Variants in HFM1 observed in about 807,000 individuals in gnomAD.
The protein encoded by HFM1 is probable ATP-dependent DNA helicase HFM1.
In HFM1, 169 loss-of-function variants were observed where a neutral mutation model predicts 192.1. The observed-to-expected ratio is 0.88, with a 90% CI of 0.78 to 1.00. The LOEUF is 1.00. HFM1 is among the 50% of genes least tolerant of loss of function. The pLI is 0.00. For missense variants in HFM1, 1,661 were observed against 1,668.0 expected (o/e 1.00, Z 0.07); for synonymous variants, 525 against 537.8 (o/e 0.98, Z 0.33).
chr1:91,306,592 A>G (rs549244943), intron 30 of HFM1, among the ~76,000 whole-genome samples: 1 of 152,296 alleles, frequency 6.6e-6, no homozygotes, highest in South Asian at 2.1e-4. Flanking sequence ...CAGCTTGTGA[A>G]TATTTCATTA....
intron 35 of HFM1, among the ~76,000 whole-genome samples, chr1:91,267,475 G>C (rs923233989): frequency 2.0e-5 from 3 of 152,060 alleles, no homozygotes; most frequent in Admixed American, 6.6e-5. Context: ...ATTTGAATTT[G>C]ACTTTTACAA....
upstream of HFM1, among the ~76,000 whole-genome samples, chr1:91,406,683 A>C (rs924517409): frequency 1.3e-5 from 2 of 152,234 alleles, no homozygotes; most frequent in African/African-American, 4.8e-5. Context: ...CAAATTGAAT[A>C]ACATAACTAA....
chr1:91,367,102 C>G (rs1469716229), intron 13 of HFM1, among the ~76,000 whole-genome samples: 1 of 152,180 alleles, frequency 6.6e-6, no homozygotes, highest in African/African-American at 2.4e-5. Context: ...GTAAACAAAG[C>G]AGCCAGGAAG....
intron 30 of HFM1, among the ~76,000 whole-genome samples, chr1:91,283,799 A>C (rs920500515): frequency 6.6e-6 from 1 of 152,142 alleles, no homozygotes. Flanking sequence ...TCACTTCTTT[A>C]AAAAAAGAAG....
In HFM1 at chr1:91,362,209, G is replaced by T. The variant is rs1009674709; in HGVS notation, c.1686-8910C>A. Among the ~76,000 whole-genome samples the T allele has an allele frequency of 2.0e-5, 3 of 152,130 alleles. No homozygotes were observed. The South Asian group carries it at 6.2e-4, about 31-fold the overall frequency. On this transcript the variant is annotated intron_variant, in intron 13 of 38. Transcript: ENST00000370425. ...TTCTGGCAAGGGCAATCAGGAAAGA[G>T]AAAGAAATACAGGTATTTAAATAGG...
intron 30 of HFM1, among the ~76,000 whole-genome samples, chr1:91,280,560 CCATTTCACAT>C (rs1307879871): frequency 6.6e-6 from 1 of 152,228 alleles, no homozygotes. Flanking sequence ...CTATCAAAGG[CCATTTCACAT>C]TTGCTCCATA....
intron 3 of HFM1, 103 bp from the exon 4 acceptor site, chr1:91,394,505 G>T: frequency 2.9e-6 from 2 of 698,000 alleles, no homozygotes; most frequent in African/African-American, 1.8e-5. Context: ...AAGTATGAAA[G>T]CCAAAAGCAA....
At chr1:91,331,321 T>C (rs1653786256) in intron 20 of HFM1, among the ~76,000 whole-genome samples, 1 of 152,182 alleles carries the variant, frequency 6.6e-6, no homozygotes, top group South Asian at 2.1e-4. Flanking sequence ...CATTCCTATA[T>C]GCCAACAGTG....
At chr1:91,389,874 C>T (rs1051477166) in intron 4 of HFM1, among the ~76,000 whole-genome samples, 2 of 152,096 alleles carry the variant, frequency 1.3e-5, no homozygotes, top group African/African-American at 4.8e-5. Flanking sequence ...GCTGATGGGA[C>T]TATAAAGTGA....
chr1:91,272,341 G>A (rs1373860155), intron 34 of HFM1, among the ~76,000 whole-genome samples: 2 of 151,650 alleles, frequency 1.3e-5, no homozygotes, highest in Non-Finnish European at 2.9e-5. Flanking sequence ...CAGATCCTGC[G>A]AACTTAACTA....
intron 21 of HFM1, among the ~76,000 whole-genome samples, chr1:91,324,458 T>C (rs1331715264): frequency 6.6e-6 from 1 of 152,234 alleles, no homozygotes; most frequent in Non-Finnish European, 1.5e-5. Context: ...TAAGTTTTCT[T>C]AGCTCTGATA....
chr1:91,302,439 A>G (rs2101045420), intron 30 of HFM1, among the ~76,000 whole-genome samples: 2 of 152,248 alleles, frequency 1.3e-5, no homozygotes, highest in South Asian at 4.1e-4. Context: ...TTGGGTATAT[A>G]TCCAAAGGAT....
intron 23 of HFM1, among the ~76,000 whole-genome samples, chr1:91,320,003 G>A (rs1651847004): frequency 6.6e-6 from 1 of 152,132 alleles, no homozygotes; most frequent in African/African-American, 2.4e-5. Flanking sequence ...AAAGACACTA[G>A]TGCCTATGTG....
At chr1:91,366,769 C>T (rs987639069) in intron 13 of HFM1, among the ~76,000 whole-genome samples, 1 of 152,022 alleles carries the variant, frequency 6.6e-6, no homozygotes, top group Non-Finnish European at 1.5e-5. Flanking sequence ...TGTCAGATAG[C>T]GGGTGCAGTG....
intron 13 of HFM1, among the ~76,000 whole-genome samples, chr1:91,360,206 T>TA (rs1425437199): frequency 1.3e-5 from 2 of 152,160 alleles, no homozygotes. Context: ...ATACCAATCT[T>TA]AAATTGTAAA....
chr1:91,328,411 G>C, intron 20 of HFM1: 1 of 1,599,094 alleles, frequency 6.3e-7, no homozygotes. Flanking sequence ...CAAACTAATT[G>C]CTGATGTGGC....
chr1:91,384,380 A>G (rs746773064), intron 6 of HFM1, among the ~76,000 whole-genome samples: 7 of 152,174 alleles, frequency 4.6e-5, no homozygotes, highest in Non-Finnish European at 1.0e-4. Flanking sequence ...AGCAAAAACA[A>G]TGTTACCTCC....
intron 17 of HFM1, 52 bp downstream of exon 17, chr1:91,351,492 GAAATA>G: frequency 1.1e-6 from 1 of 886,266 alleles, no homozygotes; most frequent in Non-Finnish European, 1.8e-6. Context: ...ATTTTAAAAG[GAAATA>G]AAATAAGCTA....
intron 32 of HFM1, among the ~76,000 whole-genome samples, chr1:91,275,700 T>C (rs567669830): frequency 6.6e-6 from 1 of 152,284 alleles, no homozygotes; most frequent in East Asian, 1.9e-4. Flanking sequence ...CTCTGAAAAA[T>C]ATTTTAACCC....
Sources: allele counts gnomAD v4.1 joint callset (sites outside exome capture counted in the v4.1 genomes callset), GRCh38; gene constraint gnomAD v4.1.1; transcripts MANE v1.5; gene names NCBI Gene and HGNC (gene_info 2026-07-23, HGNC 2026-07-21).